TRIM5: variants seen among roughly 807,000 people sequenced by gnomAD.
The protein encoded by TRIM5 is tripartite motif containing 5.
In TRIM5, 31 loss-of-function variants were observed where a neutral mutation model predicts 35.6. The observed-to-expected ratio is 0.87, with a 90% CI of 0.65 to 1.18. TRIM5 has a LOEUF of 1.18. Among genes scored for constraint, TRIM5 ranks in the 50% most tolerant of loss-of-function variants. The pLI, the probability that TRIM5 is intolerant of heterozygous loss-of-function variation, is 0.00. For synonymous variants in TRIM5, 243 were observed against 215.6 expected (o/e 1.13, Z -1.11); for missense variants, 609 against 591.6 (o/e 1.03, Z -0.31).
the TRIM5 span, among the ~76,000 whole-genome samples, chr11:5,648,591 G>A: frequency 1.3e-5 from 2 of 152,240 alleles, no homozygotes; most frequent in African/African-American, 4.8e-5. Context: ...AGTCCCTGAG[G>A]TGCTGAGAAT....
intron 5 of TRIM5, among the ~76,000 whole-genome samples, chr11:5,666,613 C>T (rs555481968): frequency 6.6e-6 from 1 of 152,288 alleles, no homozygotes; most frequent in East Asian, 1.9e-4. Flanking sequence ...GGGAGGTACT[C>T]AGATAACATC....
the TRIM5 span, chr11:5,596,510 CGTTCTCCCCT>C: frequency 1.2e-5 from 1 of 80,884 alleles, no homozygotes; most frequent in Non-Finnish European, 2.7e-5. Context: ...CCCCTTCCCC[CGTTCTCCCCT>C]TCCCCCCTTC....
the TRIM5 span, chr11:5,611,538 C>T: frequency 1.8e-6 from 1 of 542,532 alleles, no homozygotes; most frequent in Non-Finnish European, 3.2e-6. Flanking sequence ...ACTGCAACCT[C>T]TGCCTCCTGG....
At chr11:5,592,636 G>A in the TRIM5 span, among the ~76,000 whole-genome samples, 1 of 152,088 alleles carries the variant, frequency 6.6e-6, no homozygotes, top group African/African-American at 2.4e-5. Flanking sequence ...GAAAGATGGG[G>A]CCAGGCGTGG....
chr11:5,643,667 G>T, the TRIM5 span: 2 of 1,613,048 alleles, frequency 1.2e-6, no homozygotes, highest in Non-Finnish European at 1.7e-6. Flanking sequence ...TCAATCCTTG[G>T]AACTGTCCAG....
chr11:5,605,554 T>C, the TRIM5 span: 1 of 1,612,572 alleles, frequency 6.2e-7, no homozygotes, highest in East Asian at 2.2e-5. Context: ...GGGTCAACAA[T>C]GGAGCTGCTG....
the TRIM5 span, among the ~76,000 whole-genome samples, chr11:5,597,083 T>G: frequency 6.8e-6 from 1 of 147,638 alleles, no homozygotes; most frequent in Non-Finnish European, 1.5e-5. Context: ...AATCAGTCAG[T>G]CAATAGAGAC....
At chr11:5,623,800 G>A in the TRIM5 span, among the ~76,000 whole-genome samples, 11 of 152,104 alleles carry the variant, frequency 7.2e-5, no homozygotes, top group Non-Finnish European at 1.6e-4. Context: ...ATTTTTGTGG[G>A]AAAGTTGTTA....
chr11:5,665,094 GTAGCCGTATT>G lies in TRIM5; in HGVS notation c.1187_1196del (p.Lys396ThrfsTer4). ...CTCCTTCCTCTAACCCTATAACCCA[GTAGCCGTATT>G]TAGGTTGATAATTTTCATTTTTTTC... On this transcript the variant is annotated frameshift_variant, in exon 8 of 8. Coordinates refer to ENST00000380034, the MANE Select transcript of TRIM5 (RefSeq NM_033034.3). LOFTEE classifies it low-confidence loss of function (END_TRUNC). 6.2e-7 allele frequency: 1 copy of G among 1,614,088 alleles called. No individual in the cohort carries two copies.
the TRIM5 span, chr11:5,632,339 C>T: frequency 1.2e-6 from 2 of 1,614,008 alleles, no homozygotes; most frequent in East Asian, 2.2e-5. Context: ...GCAATGGCTT[C>T]AAAAATCTTG....
At chr11:5,629,820 G>C in the TRIM5 span, among the ~76,000 whole-genome samples, 1 of 152,148 alleles carries the variant, frequency 6.6e-6, no homozygotes, top group Non-Finnish European at 1.5e-5. Flanking sequence ...CCATTCTCCT[G>C]CCTTAGCCTC....
the TRIM5 span, chr11:5,632,169 C>T: frequency 6.7e-7 from 1 of 1,492,818 alleles, no homozygotes; most frequent in Admixed American, 2.3e-5. Flanking sequence ...TTTGATATTG[C>T]AGTCTCGGCC....
the TRIM5 span, among the ~76,000 whole-genome samples, chr11:5,602,949 A>G: frequency 6.6e-6 from 1 of 152,100 alleles, no homozygotes; most frequent in Non-Finnish European, 1.5e-5. Flanking sequence ...GTGAGTCTCC[A>G]TCTCAAAAAA....
At chr11:5,648,520 T>TA in the TRIM5 span, among the ~76,000 whole-genome samples, 5 of 151,842 alleles carry the variant, frequency 3.3e-5, 1 homozygote, top group Middle Eastern at 3.4e-3. Flanking sequence ...AATAAATAAA[T>TA]AAATAAAATA....
the TRIM5 span, chr11:5,603,781 G>A: frequency 1.9e-6 from 3 of 1,597,536 alleles, no homozygotes; most frequent in African/African-American, 4.0e-5. Context: ...AGGGTCTTTG[G>A]CAGGTTTTAA....
intron 4 of TRIM5, among the ~76,000 whole-genome samples, chr11:5,677,234 A>G (rs935191309): frequency 6.6e-6 from 1 of 152,062 alleles, no homozygotes; most frequent in East Asian, 1.9e-4. Flanking sequence ...CGGAATCTAC[A>G]ATGAACTCAA....
intron 4 of TRIM5, among the ~76,000 whole-genome samples, chr11:5,671,304 T>TA (rs5789423): frequency 0.52 from 73,492 of 141,608 alleles, 22,111 homozygotes; most frequent in Non-Finnish European, 0.69. Flanking sequence ...TCAGGGGGAT[T>TA]AAAAAAAAAA....
chr11:5,671,766 G>T (rs1245674801), intron 4 of TRIM5, among the ~76,000 whole-genome samples: 1 of 152,014 alleles, frequency 6.6e-6, no homozygotes, highest in African/African-American at 2.4e-5. Context: ...CCTGTTTTAA[G>T]ATCTATTACA....
At chr11:5,670,931 G>A (rs546029282) in intron 4 of TRIM5, among the ~76,000 whole-genome samples, 1 of 152,156 alleles carries the variant, frequency 6.6e-6, no homozygotes, top group Non-Finnish European at 1.5e-5. Context: ...GGAATTCTCA[G>A]AAACAACAAA....
Sources: allele counts gnomAD v4.1 joint callset (sites outside exome capture counted in the v4.1 genomes callset), GRCh38; gene constraint gnomAD v4.1.1; transcripts MANE v1.5; gene names NCBI Gene and HGNC (gene_info 2026-07-23, HGNC 2026-07-21).